The following NELL2 variants were observed in gnomAD, a reference collection of about 807,000 sequenced individuals.
The protein encoded by NELL2 is protein kinase C-binding protein NELL2.
In NELL2, 41 loss-of-function variants were observed where a neutral mutation model predicts 109.6. The ratio of observed to expected loss-of-function variants is 0.37; its 90% CI spans 0.29 to 0.49. The LOEUF is 0.49. Among genes scored for constraint, NELL2 ranks in the 20% least tolerant of loss-of-function variants. NELL2 has a pLI of 0.98. For missense variants in NELL2, 900 were observed against 1,008.3 expected, an observed-to-expected ratio of 0.89 and a Z score of 1.45; for synonymous variants, 355 against 344.7, an observed-to-expected ratio of 1.03 and a Z score of -0.33.
At chr12:44,789,288 A>T (rs1024234357) in intron 3 of NELL2, among the ~76,000 whole-genome samples, 1 of 152,194 alleles carries the variant, frequency 6.6e-6, no homozygotes, top group Non-Finnish European at 1.5e-5. Context: ...TAGACGATTC[A>T]CATCACAGGA....
chr12:44,756,179 T>C (rs528238696), intron 9 of NELL2, among the ~76,000 whole-genome samples: 70 of 152,270 alleles, frequency 4.6e-4, no homozygotes, highest in African/African-American at 1.7e-3. Flanking sequence ...CTTCTGTTTG[T>C]ACATAGAAGG....
At chr12:44,640,187 C>T (rs1946799901) in intron 13 of NELL2, among the ~76,000 whole-genome samples, 1 of 152,156 alleles carries the variant, frequency 6.6e-6, no homozygotes, top group Non-Finnish European at 1.5e-5. Context: ...TAAGACCTTT[C>T]AAACGATGAT....
intron 1 of NELL2, among the ~76,000 whole-genome samples, chr12:44,920,065 A>G (rs558001030): frequency 3.3e-5 from 5 of 152,330 alleles, no homozygotes; most frequent in African/African-American, 9.6e-5. Flanking sequence ...AGAGCTTTTC[A>G]AAGGAAAGAG....
intron 9 of NELL2, among the ~76,000 whole-genome samples, chr12:44,736,476 G>A (rs1449919083): frequency 9.2e-5 from 14 of 151,738 alleles, no homozygotes; most frequent in African/African-American, 2.2e-4. Context: ...CTAAATAGTC[G>A]TCAATATAAA....
At chr12:44,572,162 G>A (rs1943896050) in intron 15 of NELL2, among the ~76,000 whole-genome samples, 1 of 151,480 alleles carries the variant, frequency 6.6e-6, no homozygotes, top group Admixed American at 6.6e-5. Flanking sequence ...TTTATTTTTA[G>A]ACAAGGCCTC....
chr12:44,801,903 GAA>G (rs973975257), intron 3 of NELL2, among the ~76,000 whole-genome samples: 1 of 148,312 alleles, frequency 6.7e-6, no homozygotes, highest in Non-Finnish European at 1.5e-5. Flanking sequence ...AGAGGATACA[GAA>G]AAAAAAAGAG....
chr12:44,609,545 T>A (rs890754687), intron 14 of NELL2, among the ~76,000 whole-genome samples: 1 of 152,054 alleles, frequency 6.6e-6, no homozygotes, highest in African/African-American at 2.4e-5. Context: ...AAACTGTGGG[T>A]AAGAGGGAAC....
intron 1 of NELL2, 28 bp from the exon 2 acceptor site, chr12:44,875,381 G>A (rs1945285670): frequency 6.2e-7 from 1 of 1,613,790 alleles, no homozygotes. Flanking sequence ...GTGGGAGAGA[G>A]AAAAAGGAAA....
At chr12:44,665,425 T>C in intron 13 of NELL2, 59 bp downstream of exon 13, 1 of 1,474,730 alleles carries the variant, frequency 6.8e-7, no homozygotes, top group Non-Finnish European at 9.1e-7. Context: ...GTCAAAGAAA[T>C]TTTTAAAAGT....
intron 16 of NELL2, among the ~76,000 whole-genome samples, chr12:44,525,845 C>CT (rs1325956105): frequency 6.6e-6 from 1 of 152,084 alleles, no homozygotes; most frequent in Non-Finnish European, 1.5e-5. Flanking sequence ...CTTCCTGGTT[C>CT]TTTTTTTGTC....
chr12:44,733,923 C>G (rs1939504393), intron 9 of NELL2, among the ~76,000 whole-genome samples: 1 of 151,968 alleles, frequency 6.6e-6, no homozygotes, highest in African/African-American at 2.4e-5. Context: ...CTTTATGGCA[C>G]AGCATAAAAT....
At chr12:44,587,792 A>C (rs2136220636) in intron 15 of NELL2, among the ~76,000 whole-genome samples, 1 of 152,010 alleles carries the variant, frequency 6.6e-6, no homozygotes, top group East Asian at 1.9e-4. Flanking sequence ...CTCATGATAA[A>C]CCCCCTTGAT....
At chr12:44,583,000 G>A (rs564687710) in intron 15 of NELL2, among the ~76,000 whole-genome samples, 1 of 152,230 alleles carries the variant, frequency 6.6e-6, no homozygotes, top group Non-Finnish European at 1.5e-5. Flanking sequence ...CACATAGCAC[G>A]AAGGCCCTTA....
At chr12:44,512,638 G>A (rs1165729792) in intron 19 of NELL2, among the ~76,000 whole-genome samples, 1 of 152,034 alleles carries the variant, frequency 6.6e-6, no homozygotes, top group Non-Finnish European at 1.5e-5. Flanking sequence ...ATACCATCCA[G>A]ACATAAGAAG....
chr12:44,522,525 T>G (rs1049754284), intron 17 of NELL2, among the ~76,000 whole-genome samples: 2 of 152,120 alleles, frequency 1.3e-5, no homozygotes, highest in Admixed American at 1.3e-4. Context: ...CTAACTAAAT[T>G]TTGTTTTGTT....
At chr12:44,714,948 T>C (rs1179285608) in intron 9 of NELL2, among the ~76,000 whole-genome samples, 1 of 151,656 alleles carries the variant, frequency 6.6e-6, no homozygotes, top group Non-Finnish European at 1.5e-5. Context: ...AAATAAGATA[T>C]AAAAAAGATA....
upstream of NELL2, chr12:44,876,326 C>G (rs1353093482): frequency 1.7e-6 from 2 of 1,185,546 alleles, no homozygotes; most frequent in Non-Finnish European, 2.1e-6. Context: ...GGAGAAAGCT[C>G]CGGGAGACGC....
chr12:44,510,300 T>A (rs1240486565), intron 19 of NELL2, among the ~76,000 whole-genome samples: 1 of 152,184 alleles, frequency 6.6e-6, no homozygotes, highest in Non-Finnish European at 1.5e-5. Context: ...CTATTAATAG[T>A]CACACGTTTT....
intron 14 of NELL2, among the ~76,000 whole-genome samples, chr12:44,610,090 T>G (rs1194891445): frequency 6.6e-6 from 1 of 151,866 alleles, no homozygotes; most frequent in Non-Finnish European, 1.5e-5. Flanking sequence ...TGTCTACTGA[T>G]GGAAAAAGAA....
Sources: allele counts gnomAD v4.1 joint callset (sites outside exome capture counted in the v4.1 genomes callset), GRCh38; gene constraint gnomAD v4.1.1; transcripts MANE v1.5; gene names NCBI Gene and HGNC (gene_info 2026-07-23, HGNC 2026-07-21).